MSTO1: variants seen among roughly 807,000 people sequenced by gnomAD.
The protein encoded by MSTO1 is misato mitochondrial distribution and morphology regulator 1.
MSTO1 carries 24 observed loss-of-function variants against 55.7 expected under a neutral mutation model. The ratio of observed to expected loss-of-function variants is 0.43; its 90% CI spans 0.31 to 0.61. The LOEUF (loss-of-function observed/expected upper bound fraction) is 0.61, where lower values mean the gene tolerates loss of function less well. MSTO1 is among the 20% of genes least tolerant of loss of function. The pLI is 0.09. For synonymous variants in MSTO1, 162 were observed against 252.8 expected (o/e 0.64, Z 3.41); for missense variants, 363 against 625.7 (o/e 0.58, Z 4.48).
At chr1:155,578,495 C>G in the MSTO1 span, among the ~76,000 whole-genome samples, 1 of 148,456 alleles carries the variant, frequency 6.7e-6, no homozygotes, top group African/African-American at 2.5e-5. Context: ...TGCGCCACCA[C>G]GCCCGGCTAA....
chr1:155,609,243 A>ATATATATATATATATTT (rs59756178), upstream of MSTO1, among the ~76,000 whole-genome samples: 12 of 54,566 alleles, frequency 2.2e-4, no homozygotes, highest in East Asian at 3.8e-3. Context: ...ATATATATAT[A>ATATATATATATATATTT]TTTTTTTTTT....
the MSTO1 span, among the ~76,000 whole-genome samples, chr1:155,575,310 G>T: frequency 1.3e-5 from 2 of 152,090 alleles, no homozygotes; most frequent in African/African-American, 4.8e-5. Context: ...CCTAGTGGGT[G>T]TGAAGTGGTA....
chr1:155,575,091 TC>T, the MSTO1 span, among the ~76,000 whole-genome samples: 1 of 151,956 alleles, frequency 6.6e-6, no homozygotes, highest in East Asian at 1.9e-4. Context: ...GCTCTCAAAT[TC>T]CTGACCTCGG....
chr1:155,565,992 A>G, the MSTO1 span: 2 of 152,242 alleles, frequency 1.3e-5, no homozygotes, highest in African/African-American at 2.4e-5. Context: ...ATCAGCTGAC[A>G]TTAAACTAGG....
the MSTO1 span, among the ~76,000 whole-genome samples, chr1:155,599,075 C>T: frequency 6.6e-6 from 1 of 151,908 alleles, no homozygotes; most frequent in Middle Eastern, 3.2e-3. Context: ...TTTGGAAAGC[C>T]GAGGCAGGCG....
chr1:155,587,764 A>AT, the MSTO1 span, among the ~76,000 whole-genome samples: 2 of 150,514 alleles, frequency 1.3e-5, no homozygotes, highest in South Asian at 2.1e-4. Context: ...AAAAAAAAAA[A>AT]GGAATAACTG....
At chr1:155,574,843 C>T in the MSTO1 span, among the ~76,000 whole-genome samples, 1 of 151,260 alleles carries the variant, frequency 6.6e-6, no homozygotes, top group Middle Eastern at 3.4e-3. Context: ...CGTGCACAGC[C>T]TCCACTATCT....
At chr1:155,578,666 G>A in the MSTO1 span, among the ~76,000 whole-genome samples, 8 of 150,570 alleles carry the variant, frequency 5.3e-5, no homozygotes, top group East Asian at 1.2e-3. Context: ...GCCCGCCACC[G>A]CGCCCGGCTA....
Position 155,613,458 on chromosome 1 carries a change from G to A in MSTO1, c.1284-4G>A. 1 of 1,614,002 alleles carries A rather than the reference G, an allele frequency of 6.2e-7. No homozygotes were observed. The highest frequency in any genetic ancestry group is 8.5e-7 in the Non-Finnish European group (1 of 1,179,970). On this transcript the variant is annotated splice_polypyrimidine_tract_variant and splice_region_variant and intron_variant, in intron 11 of 13. Transcript: ENST00000245564. ...TAATGGTGGTTTTGGCTTTGTTCTG[G>A]CAGCCAGCTCACCCCAGGGACACCT... is the stretch of plus-strand genomic sequence containing the variant.
the MSTO1 span, among the ~76,000 whole-genome samples, chr1:155,585,262 G>A: frequency 6.6e-6 from 1 of 152,142 alleles, no homozygotes; most frequent in Non-Finnish European, 1.5e-5. Context: ...GGTAGCTCAC[G>A]CCTGTAATCC....
the MSTO1 span, among the ~76,000 whole-genome samples, chr1:155,571,117 A>G: frequency 6.6e-5 from 10 of 152,294 alleles, no homozygotes; most frequent in African/African-American, 1.9e-4. Flanking sequence ...GCTTCAGGCC[A>G]GGAGCTGAAG....
upstream of MSTO1, among the ~76,000 whole-genome samples, chr1:155,607,825 C>T (rs573389794): frequency 6.6e-6 from 1 of 152,254 alleles, no homozygotes; most frequent in South Asian, 2.1e-4. Context: ...GGTGAAACCC[C>T]TTCTGTACAA....
chr1:155,567,124 G>C, the MSTO1 span, among the ~76,000 whole-genome samples: 3 of 151,372 alleles, frequency 2.0e-5, no homozygotes, highest in African/African-American at 7.3e-5. Flanking sequence ...AATCATAAGA[G>C]TTGGTTTTTT....
At chr1:155,602,088 A>G in the MSTO1 span, 1 of 693,366 alleles carries the variant, frequency 1.4e-6, no homozygotes, top group Admixed American at 1.8e-5. Flanking sequence ...CTTTGGGTGA[A>G]AAATTGCCGG....
the MSTO1 span, among the ~76,000 whole-genome samples, chr1:155,583,250 C>G: frequency 7.3e-6 from 1 of 137,564 alleles, no homozygotes. Context: ...TACTTGAAAA[C>G]TAGTGAGGGC....
chr1:155,568,033 T>C, the MSTO1 span, among the ~76,000 whole-genome samples: 2 of 150,580 alleles, frequency 1.3e-5, no homozygotes, highest in African/African-American at 4.9e-5. Context: ...AGCGAAACCC[T>C]GTCTGAACAA....
At chr1:155,584,844 G>T in the MSTO1 span, among the ~76,000 whole-genome samples, 6 of 151,650 alleles carry the variant, frequency 4.0e-5, no homozygotes, top group African/African-American at 1.5e-4. Flanking sequence ...GGGCTCAAGT[G>T]ATCCTTTCGC....
the MSTO1 span, among the ~76,000 whole-genome samples, chr1:155,581,978 G>A: frequency 2.1e-5 from 3 of 140,890 alleles, no homozygotes; most frequent in East Asian, 2.1e-4. Flanking sequence ...TTTTTGAGTC[G>A]GAATTTCGCT....
At chr1:155,573,981 G>T in the MSTO1 span, among the ~76,000 whole-genome samples, 1 of 152,082 alleles carries the variant, frequency 6.6e-6, no homozygotes, top group South Asian at 2.1e-4. Flanking sequence ...AATTTTTAAA[G>T]GGTGGGTAAT....
Sources: allele counts gnomAD v4.1 joint callset (sites outside exome capture counted in the v4.1 genomes callset), GRCh38; gene constraint gnomAD v4.1.1; transcripts MANE v1.5; gene names NCBI Gene and HGNC (gene_info 2026-07-23, HGNC 2026-07-21).